The following MED13L variants were observed in gnomAD, a reference collection of about 807,000 sequenced individuals.
MED13L encodes the protein mediator complex subunit 13L.
In MED13L, 7 loss-of-function variants were observed where a neutral mutation model predicts 220.9. That is an observed-to-expected ratio of 0.03 (90% CI 0.02 to 0.06). The LOEUF (loss-of-function observed/expected upper bound fraction) is 0.06, where lower values mean the gene tolerates loss of function less well. Among genes scored for constraint, MED13L ranks in the 10% least tolerant of loss-of-function variants. The pLI is 1.00. For synonymous variants in MED13L, 1,011 were observed against 1,015.2 expected, an observed-to-expected ratio of 1.00 and a Z score of 0.08; for missense variants, 1,965 against 2,760.5, an observed-to-expected ratio of 0.71 and a Z score of 6.46.
At chr12:116,237,794 AAAAT>A in intron 1 of MED13L, 89 bp from the exon 2 acceptor site, 1 of 1,118,154 alleles carries the variant, frequency 8.9e-7, no homozygotes, top group Non-Finnish European at 1.4e-6. Flanking sequence ...CAATTGTGCT[AAAAT>A]AAATATTTAC....
intron 2 of MED13L, among the ~76,000 whole-genome samples, chr12:116,134,646 A>T (rs1171877955): frequency 6.6e-6 from 1 of 152,190 alleles, no homozygotes; most frequent in East Asian, 1.9e-4. Context: ...AAAATTATTC[A>T]AACCCCTGTT....
rs1319402819 is a variant in MED13L at position 116,203,034 on chromosome 12, A to T, written c.310+34434T>A. On this transcript the variant is annotated intron_variant, in intron 2 of 30. Transcript: ENST00000281928. The stretch of plus-strand genomic sequence containing the variant: ...TTTATTTTATGCTTGCTTGCCACAG[A>T]AACCAACACTGGACCTTTTAGTCTG... Among the ~76,000 whole-genome samples the T allele has an allele frequency of 3.3e-5, 5 of 152,344 alleles. No individual in the cohort carries two copies. The East Asian group carries it at 9.6e-4, about 29-fold the overall frequency.
intron 1 of MED13L, among the ~76,000 whole-genome samples, chr12:116,240,861 T>C (rs1340647865): frequency 6.6e-6 from 1 of 151,254 alleles, no homozygotes; most frequent in Admixed American, 6.6e-5. Flanking sequence ...AACCCTAACA[T>C]CAATCTTTAA....
intron 7 of MED13L, among the ~76,000 whole-genome samples, chr12:116,016,558 T>C (rs925907154): frequency 6.6e-6 from 1 of 152,172 alleles, no homozygotes; most frequent in African/African-American, 2.4e-5. Flanking sequence ...CAAAACATCC[T>C]ATGATATAGC....
At chr12:116,148,051 CA>C (rs10678970) in intron 2 of MED13L, among the ~76,000 whole-genome samples, 146 of 18,140 alleles carry the variant, frequency 8.0e-3, no homozygotes, top group East Asian at 0.059. Flanking sequence ...GACCCCATCT[CA>C]AAAAAAAAAA....
At chr12:116,098,242 A>G (rs1872773257) in intron 3 of MED13L, among the ~76,000 whole-genome samples, 1 of 152,052 alleles carries the variant, frequency 6.6e-6, no homozygotes, top group African/African-American at 2.4e-5. Flanking sequence ...GCGAAACTCC[A>G]TCTCAAAAAA....
chr12:115,972,136 A>G lies in MED13L; in HGVS notation c.5832T>C (p.Ser1944=). ...MCGISAADSP[S]ILSACLVAME... is the part of the protein sequence containing the mutation. ...TGGCAACCAGGCAGGCACTAAGGATAGAAGGAGAGTCTGCGGCAGAGATTC... is the reference window on the plus strand; with the variant it reads ...TGGCAACCAGGCAGGCACTAAGGATGGAAGGAGAGTCTGCGGCAGAGATTC... The change falls in exon 26 of 31, where the codon TCT becomes TCC. Residue 1944 remains serine, a synonymous_variant. Transcript: ENST00000281928. 1 of 1,614,082 alleles carries G rather than the reference A, an allele frequency of 6.2e-7. No individual in the cohort carries two copies. Among genetic ancestry groups the G allele is most frequent in the East Asian group, 2.2e-5 (1 of 44,880 alleles).
At chr12:116,250,025 T>TAAAACAA (rs1871383627) in intron 1 of MED13L, among the ~76,000 whole-genome samples, 1 of 40,462 alleles carries the variant, frequency 2.5e-5, no homozygotes, top group Non-Finnish European at 4.2e-5. Flanking sequence ...CAGCATAAAC[T>TAAAACAA]AAAAAAAAAA....
At chr12:116,198,726 G>C (rs1349554512) in intron 2 of MED13L, among the ~76,000 whole-genome samples, 2 of 102,464 alleles carry the variant, frequency 2.0e-5, no homozygotes, top group Non-Finnish European at 3.8e-5. Context: ...CATAAAGAAA[G>C]GGATCCAAGA....
At chr12:116,019,151 C>T in intron 7 of MED13L, 73 bp downstream of exon 7, 1 of 1,463,056 alleles carries the variant, frequency 6.8e-7, no homozygotes, top group Non-Finnish European at 9.3e-7. Context: ...GTTTTCTCAC[C>T]TGTTCCATGG....
chr12:116,218,173 G>A (rs914447585), intron 2 of MED13L, among the ~76,000 whole-genome samples: 11 of 152,034 alleles, frequency 7.2e-5, no homozygotes, highest in African/African-American at 2.7e-4. Flanking sequence ...TTTTAACCCA[G>A]AGGCATTCAA....
chr12:116,002,437 C>A (rs1878803306), intron 14 of MED13L, among the ~76,000 whole-genome samples: 1 of 152,072 alleles, frequency 6.6e-6, no homozygotes, highest in South Asian at 2.1e-4. Flanking sequence ...CATAAGCTAC[C>A]CTTTTTTTTC....
intron 4 of MED13L, among the ~76,000 whole-genome samples, chr12:116,030,519 A>C (rs924524358): frequency 1.3e-5 from 2 of 152,188 alleles, no homozygotes; most frequent in African/African-American, 4.8e-5. Context: ...ATAAAACGGA[A>C]GGAAGAAAAT....
At chr12:116,124,146 GAGAGACAGAGAC>G (rs1304238127) in intron 2 of MED13L, among the ~76,000 whole-genome samples, 3 of 148,174 alleles carry the variant, frequency 2.0e-5, no homozygotes, top group Non-Finnish European at 4.5e-5. Flanking sequence ...GAGAGAGAGA[GAGAGACAGAGAC>G]AGAGAGAGAC....
At position 115,961,152 on chromosome 12, in the gene MED13L, T is replaced by G; in HGVS notation, c.*114A>C. ...CTGAGAAGGAATCACAGTGCAGGACTGTGGAGAGTGGTCTGAAGAAAAGGA... is the reference window on the plus strand; with the variant it reads ...CTGAGAAGGAATCACAGTGCAGGACGGTGGAGAGTGGTCTGAAGAAAAGGA... On this transcript the variant is annotated 3_prime_UTR_variant, in exon 31 of 31. Transcript: ENST00000281928. The G allele has an allele frequency of 7.4e-7, 1 of 1,356,504 alleles. No homozygotes were observed. The highest frequency in any genetic ancestry group is 1.0e-6 in the Non-Finnish European group (1 of 954,252). 84.0% of individuals were successfully genotyped at this position (1,356,504 alleles called of 1,614,324 possible). A position where few individuals can be genotyped will look rare whatever the true frequency, so the allele number is the denominator to read the frequency against.
chr12:116,259,741 G>C (rs1009842650), intron 1 of MED13L, among the ~76,000 whole-genome samples: 3 of 151,980 alleles, frequency 2.0e-5, no homozygotes, highest in African/African-American at 7.3e-5. Context: ...AAAAAAATCT[G>C]GAATAATACA....
At chr12:116,251,308 C>CT (rs61533775) in intron 1 of MED13L, among the ~76,000 whole-genome samples, 7,581 of 87,600 alleles carry the variant, frequency 0.087, 918 homozygotes, top group Non-Finnish European at 0.11. Context: ...ATCATGGATC[C>CT]TTTTTTTTTT....
chr12:116,096,354 C>CAAAAAA lies in MED13L; in HGVS notation c.479+309_479+314dup, dbSNP rs537207957. Among the ~76,000 whole-genome samples the CAAAAAA allele has an allele frequency of 6.8e-4, 16 of 23,554 alleles. 2 individuals carry two copies. Among genetic ancestry groups the CAAAAAA allele is most frequent in the Non-Finnish European group, 7.3e-4 (9 of 12,316 alleles). The allele number at this position is 23,554 out of a possible 152,430, so 15.5% of individuals were successfully genotyped here. A position where few individuals can be genotyped will look rare whatever the true frequency, so the allele number is the denominator to read the frequency against. On this transcript the variant is annotated intron_variant, in intron 4 of 30. Coordinates refer to ENST00000281928, the MANE Select transcript of MED13L (RefSeq NM_015335.5). ...TGGGTGACAGAGTGAGACACAGCCT[C>CAAAAAA]AAAAAAAAAAAAAAAAAAAAAAAAA...
chr12:116,006,763 A>T (rs1313661038), intron 11 of MED13L: 1 of 339,364 alleles, frequency 2.9e-6, no homozygotes, highest in Non-Finnish European at 5.6e-6. Context: ...GGGTCTAGGG[A>T]GATCTGTATA....
Sources: allele counts gnomAD v4.1 joint callset (sites outside exome capture counted in the v4.1 genomes callset), GRCh38; gene constraint gnomAD v4.1.1; transcripts MANE v1.5; gene names NCBI Gene and HGNC (gene_info 2026-07-23, HGNC 2026-07-21).